Variants in GRIN3A observed in about 807,000 individuals in gnomAD.
GRIN3A encodes the protein glutamate receptor ionotropic, NMDA 3A.
A neutral mutation model predicts 92.4 loss-of-function variants in GRIN3A; 47 were observed. That is an observed-to-expected ratio of 0.51 (90% confidence interval 0.40 to 0.65). GRIN3A has a LOEUF of 0.65. Ranked by LOEUF, GRIN3A falls within the 30% of genes least tolerant of loss-of-function variation. GRIN3A has a pLI of 0.00. For missense variants in GRIN3A, 1,324 were observed against 1,393.1 expected (o/e 0.95, Z 0.79); for synonymous variants, 527 against 540.6 (o/e 0.97, Z 0.35).
At chr9:101,628,674 A>T (rs954630201) in intron 3 of GRIN3A, among the ~76,000 whole-genome samples, 70 of 152,186 alleles carry the variant, frequency 4.6e-4, no homozygotes, top group Non-Finnish European at 1.6e-4. Context: ...ATTCTTTAGA[A>T]GCCATGCAAA....
intron 8 of GRIN3A, 97 bp from the exon 9 acceptor site, chr9:101,573,610 T>G (rs1827789626): frequency 1.0e-6 from 1 of 957,178 alleles, no homozygotes; most frequent in African/African-American, 1.6e-5. Flanking sequence ...AATATGGAGC[T>G]GGGTGTGCAT....
chr9:101,606,851 A>G lies in GRIN3A; in HGVS notation c.2766+6525T>C, dbSNP rs1828289914. On this transcript the variant is annotated intron_variant, in intron 6 of 8. Transcript: ENST00000361820. The stretch of plus-strand genomic sequence containing the variant: ...TCCTGGTTTGCAAATAACCGATGTC[A>G]CAAAACTCTTGCTCTGGAGCTCTTA... Among the ~76,000 whole-genome samples the G allele has an allele frequency of 2.0e-5, 3 of 151,572 alleles. No individual in the cohort carries two copies. The South Asian group carries it at 6.3e-4, about 32-fold the overall frequency.
At chr9:101,679,615 T>G (rs912472175) in intron 2 of GRIN3A, among the ~76,000 whole-genome samples, 9 of 152,182 alleles carry the variant, frequency 5.9e-5, no homozygotes, top group Admixed American at 6.5e-5. Context: ...CACACAGACC[T>G]TAAGTGTTGA....
chr9:101,685,260 G>A (rs948661499), intron 2 of GRIN3A, among the ~76,000 whole-genome samples: 1 of 139,402 alleles, frequency 7.2e-6, no homozygotes, highest in Non-Finnish European at 1.6e-5. Flanking sequence ...ATATATATAT[G>A]TAAAATTAAA....
intron 8 of GRIN3A, among the ~76,000 whole-genome samples, chr9:101,577,444 C>G (rs1169500171): frequency 6.6e-6 from 1 of 152,050 alleles, no homozygotes; most frequent in Non-Finnish European, 1.5e-5. Flanking sequence ...CTGTTTTTAT[C>G]TCTACTTTAC....
At chr9:101,695,184 T>C (rs1829669951) in intron 1 of GRIN3A, among the ~76,000 whole-genome samples, 1 of 152,122 alleles carries the variant, frequency 6.6e-6, no homozygotes, top group Admixed American at 6.6e-5. Context: ...ATTAGGAAGT[T>C]TACACTAAGA....
chr9:101,730,486 A>T (rs1830125023), intron 1 of GRIN3A, among the ~76,000 whole-genome samples: 1 of 152,158 alleles, frequency 6.6e-6, no homozygotes, highest in South Asian at 2.1e-4. Flanking sequence ...ACATTTTATG[A>T]CTTAATAAAT....
chr9:101,588,695 GCA>G (rs1827980807), intron 6 of GRIN3A, among the ~76,000 whole-genome samples: 1 of 151,996 alleles, frequency 6.6e-6, no homozygotes, highest in African/African-American at 2.4e-5. Flanking sequence ...ATGACCATAT[GCA>G]CACATATTCT....
chr9:101,690,876 T>C (rs1829607041), intron 1 of GRIN3A, among the ~76,000 whole-genome samples: 1 of 152,056 alleles, frequency 6.6e-6, no homozygotes, highest in Admixed American at 6.5e-5. Context: ...ATAGATTAGT[T>C]AGAAAAATAA....
chr9:101,670,062 TG>T lies in GRIN3A; in HGVS notation c.2349del (p.Lys784SerfsTer23). The T allele has an allele frequency of 1.2e-6, 2 of 1,606,522 alleles. No individual in the cohort carries two copies. Among genetic ancestry groups the T allele is most frequent in the Non-Finnish European group, 8.5e-7 (1 of 1,173,226 alleles). ...IYEELSGIHDPKLHHPSQGFR... is the reference protein window; with the variant it reads ...IYEELSGIHDXKLHHPSQGFR... ...GCTAAAGTAAAATGAAGTATTACCT[TG>T]GGGTCATGTATTCCAGAAAGCTCTT... is the stretch of plus-strand genomic sequence containing the variant. On this transcript the variant is annotated frameshift_variant, in exon 3 of 9. Transcript: ENST00000361820. LOFTEE classifies it high-confidence loss of function.
chr9:101,625,789 G>A (rs558690358), intron 4 of GRIN3A, among the ~76,000 whole-genome samples: 4 of 152,228 alleles, frequency 2.6e-5, no homozygotes, highest in South Asian at 2.1e-4. Context: ...ATCAAAGTTC[G>A]ACTGCCACAG....
intron 1 of GRIN3A, among the ~76,000 whole-genome samples, chr9:101,717,075 C>A (rs945683674): frequency 6.6e-6 from 1 of 152,158 alleles, no homozygotes; most frequent in Non-Finnish European, 1.5e-5. Context: ...GAGTTGGAGA[C>A]CTCTGCCCCA....
chr9:101,647,698 C>A (rs1291714035), intron 3 of GRIN3A, among the ~76,000 whole-genome samples: 1 of 151,800 alleles, frequency 6.6e-6, no homozygotes, highest in Non-Finnish European at 1.5e-5. Context: ...TTCAGGTTTT[C>A]TATTCCTTCA....
At chr9:101,716,409 A>G (rs969290802) in intron 1 of GRIN3A, among the ~76,000 whole-genome samples, 1 of 152,216 alleles carries the variant, frequency 6.6e-6, no homozygotes, top group African/African-American at 2.4e-5. Flanking sequence ...AAGCTATTCT[A>G]TTTAATTAAT....
At chr9:101,644,464 A>AAAAT (rs1472624250) in intron 3 of GRIN3A, among the ~76,000 whole-genome samples, 44 of 147,370 alleles carry the variant, frequency 3.0e-4, no homozygotes, top group African/African-American at 1.1e-3. Context: ...GTCACTCAAA[A>AAAAT]AAAAAAAAAA....
chr9:101,706,825 G>A lies in GRIN3A; in HGVS notation c.700-19625C>T, dbSNP rs974913741. On this transcript the variant is annotated intron_variant, in intron 1 of 8. Coordinates refer to ENST00000361820, the MANE Select transcript of GRIN3A (RefSeq NM_133445.3). ...CAGCCCTTACCTAAAAATGTGGAAC[G>A]TTGCACACAAGGGAGACGGAGAGAA... Among the ~76,000 whole-genome samples the A allele has an allele frequency of 5.3e-4, 80 of 152,164 alleles. 1 individual carries two copies. The highest frequency in any genetic ancestry group is 2.4e-4 in the Non-Finnish European group (16 of 68,030).
chr9:101,689,883 A>G lies in GRIN3A; in HGVS notation c.700-2683T>C, dbSNP rs561921307. Among the ~76,000 whole-genome samples, 98 of 152,316 alleles carry G rather than the reference A, an allele frequency of 6.4e-4. 3 individuals carry two copies. Among genetic ancestry groups the G allele is most frequent in the African/African-American group, 2.3e-3 (94 of 41,580 alleles). ...CTATTGAGTAAAATTGAAAAGGAAAATCTGTGTCTTACATATGGTTTGTTG... is the reference window on the plus strand; with the variant it reads ...CTATTGAGTAAAATTGAAAAGGAAAGTCTGTGTCTTACATATGGTTTGTTG... On this transcript the variant is annotated intron_variant, in intron 1 of 8. Coordinates refer to ENST00000361820, the MANE Select transcript of GRIN3A (RefSeq NM_133445.3).
intron 1 of GRIN3A, among the ~76,000 whole-genome samples, chr9:101,727,975 T>C (rs1411195297): frequency 2.6e-5 from 4 of 151,774 alleles, no homozygotes; most frequent in Non-Finnish European, 4.4e-5. Flanking sequence ...TAACTCCTCC[T>C]GTATCAGCAA....
intron 1 of GRIN3A, among the ~76,000 whole-genome samples, chr9:101,726,696 A>T (rs1830085477): frequency 6.6e-6 from 1 of 150,658 alleles, no homozygotes. Flanking sequence ...TATTTTATTT[A>T]AAAATTTTTA....
Sources: gnomAD v4.1 joint callset for allele counts (sites outside exome capture counted in the v4.1 genomes callset) on GRCh38, gnomAD v4.1.1 for gene constraint, MANE v1.5 for transcripts, NCBI Gene and HGNC (gene_info 2026-07-23, HGNC 2026-07-21) for gene names.